Variants in CFAP77 observed in about 807,000 individuals in gnomAD.
CFAP77 encodes the protein cilia and flagella associated protein 77.
A neutral mutation model predicts 31.1 loss-of-function variants in CFAP77; 25 were observed. The observed-to-expected ratio is 0.80, with a 90% confidence interval of 0.59 to 1.12. The LOEUF (loss-of-function observed/expected upper bound fraction) is 1.12, where lower values mean the gene tolerates loss of function less well. Ranked by LOEUF, CFAP77 falls within the 50% of genes most tolerant of loss-of-function variation. The probability of loss-of-function intolerance (pLI) is 0.00; values close to 1 mark genes in which losing one functional copy is unlikely to be tolerated. For synonymous variants in CFAP77, 151 were observed against 159.9 expected (o/e 0.94, Z 0.42); for missense variants, 377 against 397.3 (o/e 0.95, Z 0.44).
chr9:132,438,541 A>ATATATATATATATATATATATTT, intron 1 of CFAP77, among the ~76,000 whole-genome samples: 7 of 108,148 alleles, frequency 6.5e-5, no homozygotes, highest in Non-Finnish European at 1.1e-4. Flanking sequence ...ATATATATAT[A>ATATATATATATATATATATATTT]TTTTTTTTTT....
chr9:132,508,907 T>C (rs972993248), intron 3 of CFAP77, among the ~76,000 whole-genome samples: 1 of 152,172 alleles, frequency 6.6e-6, no homozygotes, highest in African/African-American at 2.4e-5. Context: ...CGAGTCTCCC[T>C]CCAGGGCGGC....
chr9:132,443,184 AATTT>A (rs1311299062), intron 1 of CFAP77, among the ~76,000 whole-genome samples: 65 of 152,264 alleles, frequency 4.3e-4, no homozygotes, highest in Non-Finnish European at 7.2e-4. Context: ...GATATGCTGC[AATTT>A]ATTTATCCAT....
At chr9:132,491,403 G>T (rs1187679718) in intron 1 of CFAP77, among the ~76,000 whole-genome samples, 4 of 152,186 alleles carry the variant, frequency 2.6e-5, no homozygotes. Flanking sequence ...GGAGGTGGAG[G>T]TTGCAGTGAG....
intron 1 of CFAP77, among the ~76,000 whole-genome samples, chr9:132,471,994 G>A (rs1851267590): frequency 6.6e-6 from 1 of 152,184 alleles, no homozygotes; most frequent in Non-Finnish European, 1.5e-5. Context: ...TTACAGGTGT[G>A]AGCCACTGCA....
rs151074858 is a variant in CFAP77, at chr9:132,540,639, G to A, written c.631-2307G>A. On this transcript the variant is annotated intron_variant, in intron 4 of 5. Transcript: ENST00000393216. ...TGAAGGCCCAAAGAAATGGTTAAAC[G>A]CATATATTTTTATGCTGGATTTGGT... Among the ~76,000 whole-genome samples, 6 of 152,322 alleles carry A rather than the reference G, an allele frequency of 3.9e-5. No homozygotes were observed. The East Asian group carries it at 9.6e-4, about 24-fold the overall frequency.
chr9:132,570,470 T>C (rs996400071), intron 5 of CFAP77, among the ~76,000 whole-genome samples: 5 of 152,188 alleles, frequency 3.3e-5, no homozygotes, highest in Non-Finnish European at 5.9e-5. Context: ...CGACTGGTGC[T>C]GCGGCTGGGC....
chr9:132,499,709 A>G lies in CFAP77; in HGVS notation c.524+109A>G. The G allele has an allele frequency of 1.1e-6, 1 of 934,542 alleles. No homozygotes were observed. Among genetic ancestry groups the G allele is most frequent in the South Asian group, 1.5e-5 (1 of 66,260 alleles). The allele number at this position is 934,542 out of a possible 1,614,324, so 57.9% of individuals were successfully genotyped here. A position where few individuals can be genotyped will look rare whatever the true frequency, so the allele number is the denominator to read the frequency against. ...GGAAGTGGAGCATCCTCCCAGCCCC[A>G]CTGTCCTCTCTTCAATGACTCTCTC... On this transcript the variant is annotated intron_variant, in intron 3 of 5. Transcript: ENST00000393216. This position sits in a 1 kb window ranked among gnomAD's most constrained non-coding sequence, Gnocchi z 5.4.
rs1035924274 is a variant in CFAP77, at chr9:132,566,699, G to A, written c.733-5689G>A. ...GAGGTGGACACTTTTGCTCGAGTTC[G>A]CTTTCAGTAGAGTCTGCCAGGCCCA... On this transcript the variant is annotated intron_variant, in intron 5 of 5. Transcript: ENST00000393216. 5.9e-5 allele frequency among the ~76,000 whole-genome samples: 9 copies of A among 152,168 alleles called. No individual in the cohort carries two copies. The East Asian group carries it at 7.7e-4, about 13-fold the overall frequency.
At chr9:132,525,958 T>TC (rs1852352538) in intron 3 of CFAP77, among the ~76,000 whole-genome samples, 1 of 152,240 alleles carries the variant, frequency 6.6e-6, no homozygotes, top group Non-Finnish European at 1.5e-5. Flanking sequence ...GTTCTTCTGA[T>TC]CTATAGCTTG....
chr9:132,467,122 G>A (rs899462520), intron 1 of CFAP77, among the ~76,000 whole-genome samples: 2 of 152,144 alleles, frequency 1.3e-5, no homozygotes, highest in African/African-American at 4.8e-5. Flanking sequence ...AAGTTGAAGT[G>A]AGCCGAGATC....
chr9:132,473,561 A>G (rs1054957565), intron 1 of CFAP77, among the ~76,000 whole-genome samples: 2 of 152,072 alleles, frequency 1.3e-5, no homozygotes, highest in African/African-American at 4.8e-5. Flanking sequence ...GTCTGTGGAG[A>G]GGGTGGTTCC....
At chr9:132,524,684 T>C (rs1317189244) in intron 3 of CFAP77, among the ~76,000 whole-genome samples, 1 of 152,156 alleles carries the variant, frequency 6.6e-6, no homozygotes, top group Non-Finnish European at 1.5e-5. Context: ...AGTCTCGCTC[T>C]GTCGCCCAGG....
intron 1 of CFAP77, among the ~76,000 whole-genome samples, chr9:132,429,825 T>C (rs554645727): frequency 1.9e-4 from 29 of 152,136 alleles, no homozygotes; most frequent in Admixed American, 3.3e-4. Context: ...CACTCCAGCC[T>C]GGGCGACAGA....
intron 4 of CFAP77, among the ~76,000 whole-genome samples, chr9:132,540,075 C>T (rs374754694): frequency 1.3e-3 from 193 of 152,190 alleles, no homozygotes; most frequent in African/African-American, 4.5e-3. Flanking sequence ...GGATTACAGG[C>T]GCCTGCCACC....
chr9:132,483,092 A>T (rs1851477411), intron 1 of CFAP77, among the ~76,000 whole-genome samples: 1 of 151,854 alleles, frequency 6.6e-6, no homozygotes, highest in Admixed American at 6.6e-5. Context: ...ACCAACATGG[A>T]GAAACACACT....
intron 3 of CFAP77, among the ~76,000 whole-genome samples, chr9:132,514,930 G>A (rs1310351422): frequency 6.6e-6 from 1 of 152,178 alleles, no homozygotes; most frequent in East Asian, 1.9e-4. Context: ...GCCAAGGGGT[G>A]CAGCAGCCTC....
At chr9:132,531,931 G>A (rs1279638183) in intron 3 of CFAP77, among the ~76,000 whole-genome samples, 1 of 152,184 alleles carries the variant, frequency 6.6e-6, no homozygotes, top group Admixed American at 6.5e-5. Flanking sequence ...TGGTGGCGAT[G>A]GATGTACCGG....
At chr9:132,544,331 C>T (rs1476530946) in intron 5 of CFAP77, among the ~76,000 whole-genome samples, 2 of 152,162 alleles carry the variant, frequency 1.3e-5, no homozygotes, top group African/African-American at 4.8e-5. Context: ...CTCCGCAGCT[C>T]CTCTCACCGC....
At position 132,545,733 on chromosome 9, in the gene CFAP77, T is replaced by C. The variant is rs559031611; in HGVS notation, c.732+2686T>C. ...AAAAGTATTTACCGAGCCCTTAGAA[T>C]GCACCCGGCGCTGAGCAGGTCTCAT... On this transcript the variant is annotated intron_variant, in intron 5 of 5. Transcript: ENST00000393216. The surrounding 1 kb of genome is among the most constrained non-coding windows in gnomAD (Gnocchi z 4.6). Among the ~76,000 whole-genome samples, 2 of 152,310 alleles carry C rather than the reference T, an allele frequency of 1.3e-5. No individual in the cohort carries two copies. Among genetic ancestry groups the C allele is most frequent in the East Asian group, 1.9e-4 (1 of 5,178 alleles).
Sources: gnomAD v4.1 joint callset for allele counts (sites outside exome capture counted in the v4.1 genomes callset) on GRCh38, gnomAD v4.1.1 for gene constraint, Gnocchi (gnomAD v3.1) non-coding constraint, MANE v1.5 for transcripts, NCBI Gene and HGNC (gene_info 2026-07-23, HGNC 2026-07-21) for gene names.